STOX2: variants seen among roughly 807,000 people sequenced by gnomAD.
STOX2 encodes the protein storkhead-box protein 2.
A neutral mutation model predicts 60.9 loss-of-function variants in STOX2; 28 were observed. The observed-to-expected ratio is 0.46, with a 90% CI of 0.34 to 0.63. The LOEUF (loss-of-function observed/expected upper bound fraction) is 0.63. STOX2 is among the 30% of genes least tolerant of loss of function. STOX2 has a pLI of 0.01. For synonymous variants in STOX2, 472 were observed against 463.9 expected (o/e 1.02, Z -0.22); for missense variants, 1,024 against 1,187.7 (o/e 0.86, Z 2.03).
chr4:183,934,055 G>T (rs1206548490), intron 1 of STOX2, among the ~76,000 whole-genome samples: 2 of 152,126 alleles, frequency 1.3e-5, no homozygotes, highest in Admixed American at 6.5e-5. Context: ...TGTGATCCTA[G>T]CACTTTGGGA....
chr4:183,800,627 T>C (rs1246237240), intron 1 of STOX2, among the ~76,000 whole-genome samples: 2 of 152,226 alleles, frequency 1.3e-5, no homozygotes, highest in Non-Finnish European at 2.9e-5. Flanking sequence ...ACATTCCCAC[T>C]TGTTGAACTT....
chr4:184,006,889 G>T (rs925094959), intron 2 of STOX2, among the ~76,000 whole-genome samples: 1 of 148,210 alleles, frequency 6.7e-6, no homozygotes, highest in African/African-American at 2.5e-5. Flanking sequence ...AGTGGCGGGC[G>T]CCTGTAGTCC....
intron 1 of STOX2, among the ~76,000 whole-genome samples, chr4:183,969,838 C>G (rs1045921763): frequency 2.6e-5 from 4 of 152,120 alleles, no homozygotes; most frequent in African/African-American, 9.7e-5. Context: ...CTCAGGCTAG[C>G]CTTGAATTCC....
chr4:183,805,983 C>G lies in STOX2; in HGVS notation c.364+7928C>G, dbSNP rs140021997. The stretch of plus-strand genomic sequence containing the variant: ...GAGAATTTGATAAATGGATAAATGA[C>G]TTAGATAAAGAGGTAGAAAGGATTC... On this transcript the variant is annotated intron_variant, in intron 1 of 2. Transcript: ENST00000513034. Among the ~76,000 whole-genome samples, 860 of 152,274 alleles carry G rather than the reference C, an allele frequency of 5.6e-3. 6 individuals are homozygous for G. Among genetic ancestry groups the G allele is most frequent in the African/African-American group, 0.02 (818 of 41,550 alleles).
At chr4:183,980,390 C>T (rs899243942) in intron 1 of STOX2, among the ~76,000 whole-genome samples, 5 of 152,108 alleles carry the variant, frequency 3.3e-5, no homozygotes, top group African/African-American at 7.3e-5. Flanking sequence ...TTTCACCAGG[C>T]GAACACAACA....
intron 1 of STOX2, among the ~76,000 whole-genome samples, chr4:183,912,124 T>G (rs556056838): frequency 6.6e-5 from 10 of 152,222 alleles, no homozygotes; most frequent in African/African-American, 1.7e-4. Flanking sequence ...TCTCTTCCTC[T>G]TCATCTCTGT....
rs116041442 is a variant in STOX2 at position 183,919,963 on chromosome 4, T to G, written c.166+13007T>G. On this transcript the variant is annotated intron_variant, in intron 1 of 3. Coordinates refer to ENST00000308497, the MANE Select transcript of STOX2 (RefSeq NM_020225.3). ...GTTGGTACCTGTGTAAGTGTCACCTTGTTTAGTCCTCACAGCAATCCTGCA... is the reference window on the plus strand; with the variant it reads ...GTTGGTACCTGTGTAAGTGTCACCTGGTTTAGTCCTCACAGCAATCCTGCA... 4.8e-3 allele frequency among the ~76,000 whole-genome samples: 738 copies of G among 152,212 alleles called. 4 individuals are homozygous for G. Among genetic ancestry groups the G allele is most frequent in the African/African-American group, 0.017 (697 of 41,534 alleles).
At chr4:183,982,253 A>G (rs1732681043) in intron 1 of STOX2, among the ~76,000 whole-genome samples, 2 of 152,234 alleles carry the variant, frequency 1.3e-5, no homozygotes, top group African/African-American at 4.8e-5. Flanking sequence ...AATTTAAGTA[A>G]CAGAATAGCC....
intron 1 of STOX2, among the ~76,000 whole-genome samples, chr4:183,873,297 T>C (rs1740736757): frequency 6.6e-6 from 1 of 151,966 alleles, no homozygotes; most frequent in African/African-American, 2.4e-5. Context: ...AAATGCAAAA[T>C]TAGCCAGGCG....
intron 1 of STOX2, among the ~76,000 whole-genome samples, chr4:183,934,484 A>G (rs1742532648): frequency 6.6e-6 from 1 of 152,160 alleles, no homozygotes; most frequent in African/African-American, 2.4e-5. Context: ...TAGATAGCCT[A>G]ACTTTCTTTT....
At chr4:183,874,399 T>G (rs1398338617) in intron 1 of STOX2, among the ~76,000 whole-genome samples, 1 of 152,172 alleles carries the variant, frequency 6.6e-6, no homozygotes, top group Non-Finnish European at 1.5e-5. Context: ...TTGCTCCCTT[T>G]TAGAGAAGGA....
intron 3 of STOX2, chr4:184,014,500 G>T (rs183603923): frequency 6.6e-6 from 1 of 151,460 alleles, no homozygotes; most frequent in Non-Finnish European, 1.5e-5. Context: ...CAACAGAACC[G>T]CTTGGTCCAT....
At chr4:183,983,225 C>T (rs1579502975) in intron 1 of STOX2, among the ~76,000 whole-genome samples, 1 of 152,218 alleles carries the variant, frequency 6.6e-6, no homozygotes, top group East Asian at 1.9e-4. Context: ...CTCTTCCTTC[C>T]TGAAGCACCT....
chr4:183,863,558 G>A (rs866658083), intron 1 of STOX2, among the ~76,000 whole-genome samples: 2 of 103,714 alleles, frequency 1.9e-5, no homozygotes, highest in Admixed American at 2.0e-4. Context: ...TTTTGTACAC[G>A]AATGTTAATT....
At chr4:183,811,347 A>G (rs73872690) in intron 1 of STOX2, among the ~76,000 whole-genome samples, 2,822 of 152,286 alleles carry the variant, frequency 0.019, 86 homozygotes, top group African/African-American at 0.065. Context: ...GGGCATTGCT[A>G]TGGAGTTAAA....
chr4:183,813,384 A>G (rs62340361), intron 1 of STOX2, among the ~76,000 whole-genome samples: 25,641 of 151,840 alleles, frequency 0.17, 2,435 homozygotes, highest in South Asian at 0.29. Context: ...CCCTGTCTCA[A>G]AAAGAAAAAA....
At position 183,964,910 on chromosome 4, in the gene STOX2, G is replaced by A. The variant is rs142296984; in HGVS notation, c.167-36415G>A. Among the ~76,000 whole-genome samples, 48 of 152,300 alleles carry A rather than the reference G, an allele frequency of 3.2e-4. No homozygotes were observed. In the East Asian group the frequency reaches 7.1e-3, roughly 23 times the overall value. On this transcript the variant is annotated intron_variant, in intron 1 of 3. Transcript: ENST00000308497. The stretch of plus-strand genomic sequence containing the variant: ...AATTGGTGAGTTTTTACATTGAAAC[G>A]TTATGAAAAATTACCCTTGACCTCA...
Position 183,877,562 on chromosome 4 carries a change from G to A in STOX2, c.364+79507G>A, listed in dbSNP as rs551125421. On this transcript the variant is annotated intron_variant, in intron 1 of 2. Coordinates refer to the STOX2 transcript ENST00000513034. Reference sequence around the variant, plus strand: ...GCCGTTTTGCATGCTCTGTATGCGTGCTCTGCACAGTGGAGTGGGACGCAT... The same window carrying A: ...GCCGTTTTGCATGCTCTGTATGCGTACTCTGCACAGTGGAGTGGGACGCAT... 7.9e-5 allele frequency among the ~76,000 whole-genome samples: 12 copies of A among 152,348 alleles called. 2 individuals are homozygous for A. The South Asian group carries it at 2.1e-3, about 26-fold the overall frequency.
intron 1 of STOX2, among the ~76,000 whole-genome samples, chr4:183,920,045 G>A (rs1395943621): frequency 2.0e-5 from 3 of 152,186 alleles, no homozygotes; most frequent in Non-Finnish European, 2.9e-5. Context: ...TCAGAAAACT[G>A]AGATTTCACA....
Sources: gnomAD v4.1 joint callset for allele counts (sites outside exome capture counted in the v4.1 genomes callset) on GRCh38, gnomAD v4.1.1 for gene constraint, MANE v1.5 for transcripts, NCBI Gene and HGNC (gene_info 2026-07-23, HGNC 2026-07-21) for gene names.